The following BNC2 variants were observed in gnomAD, a reference collection of about 807,000 sequenced individuals.
BNC2 encodes zinc finger protein basonuclin-2.
BNC2 carries 20 observed loss-of-function variants against 76.3 expected under a neutral mutation model. The ratio of observed to expected loss-of-function variants is 0.26; its 90% CI spans 0.18 to 0.38. The LOEUF (loss-of-function observed/expected upper bound fraction) is 0.38. Among genes scored for constraint, BNC2 ranks in the 10% least tolerant of loss-of-function variants. BNC2 has a pLI of 1.00. For synonymous variants in BNC2, 582 were observed against 514.8 expected (o/e 1.13, Z -1.77); for missense variants, 1,382 against 1,399.8 (o/e 0.99, Z 0.20).
intron 1 of BNC2, among the ~76,000 whole-genome samples, chr9:16,821,761 C>G (rs1004752068): frequency 6.6e-6 from 1 of 151,972 alleles, no homozygotes; most frequent in Admixed American, 6.6e-5. Context: ...CCAGCTGGGC[C>G]AACATGGTGA....
intron 5 of BNC2, among the ~76,000 whole-genome samples, chr9:16,479,967 A>G (rs1176863161): frequency 6.6e-6 from 1 of 152,218 alleles, no homozygotes; most frequent in Admixed American, 6.5e-5. Flanking sequence ...TGAATCAGCT[A>G]AAGTTATTAT....
intron 1 of BNC2, chr9:16,832,208 A>C (rs780895978): frequency 9.0e-7 from 1 of 1,109,158 alleles, no homozygotes; most frequent in Non-Finnish European, 1.2e-6. Context: ...TAGTCTTCAA[A>C]GGAAAAATAT....
At chr9:16,868,401 C>T (rs1563978558) in intron 1 of BNC2, among the ~76,000 whole-genome samples, 1 of 151,992 alleles carries the variant, frequency 6.6e-6, no homozygotes, top group African/African-American at 2.4e-5. Context: ...AATCACATAT[C>T]TCTATCTGAC....
intron 1 of BNC2, among the ~76,000 whole-genome samples, chr9:16,853,701 T>C (rs1819184689): frequency 1.3e-5 from 2 of 152,034 alleles, no homozygotes; most frequent in African/African-American, 2.4e-5. Flanking sequence ...ACCCTGTCTG[T>C]ACTAAAACTA....
intron 5 of BNC2, among the ~76,000 whole-genome samples, chr9:16,453,828 A>T (rs1244416428): frequency 1.3e-5 from 2 of 152,122 alleles, no homozygotes; most frequent in Admixed American, 1.3e-4. Context: ...AAAACAAACA[A>T]AACCTCAACG....
At chr9:16,772,115 C>A (rs982106755) in intron 1 of BNC2, among the ~76,000 whole-genome samples, 8 of 152,206 alleles carry the variant, frequency 5.3e-5, no homozygotes, top group African/African-American at 1.9e-4. Flanking sequence ...TCCTTTATTT[C>A]TTGAAGAGTC....
At chr9:16,732,162 A>AAAAAAAAAAAAGAAAG (rs59888253) in intron 2 of BNC2, among the ~76,000 whole-genome samples, 2 of 123,588 alleles carry the variant, frequency 1.6e-5, no homozygotes, top group African/African-American at 2.9e-5. Context: ...TCCTGCAAAA[A>AAAAAAAAAAAAGAAAG]AAAAAGAAAA....
intron 5 of BNC2, among the ~76,000 whole-genome samples, chr9:16,490,050 T>C (rs917754729): frequency 6.6e-6 from 1 of 152,196 alleles, no homozygotes; most frequent in African/African-American, 2.4e-5. Context: ...CAAATGCAAA[T>C]GTCTAATTTA....
At chr9:16,508,124 T>TCAACA (rs1231819220) in intron 5 of BNC2, among the ~76,000 whole-genome samples, 2 of 152,166 alleles carry the variant, frequency 1.3e-5, no homozygotes, top group Non-Finnish European at 2.9e-5. Context: ...GCATATAAAG[T>TCAACA]TTAAGTACTG....
At chr9:16,433,620 C>T (rs981709322) in intron 6 of BNC2, among the ~76,000 whole-genome samples, 19 of 152,200 alleles carry the variant, frequency 1.2e-4, no homozygotes. Flanking sequence ...AGTACCTCAA[C>T]AGTGCCTCCC....
intron 1 of BNC2, among the ~76,000 whole-genome samples, chr9:16,841,628 C>A (rs576574422): frequency 1.1e-4 from 16 of 152,162 alleles, no homozygotes; most frequent in Admixed American, 6.5e-4. Flanking sequence ...GTGGTATTCA[C>A]CATGCCTTCT....
intron 1 of BNC2, among the ~76,000 whole-genome samples, chr9:16,808,843 T>C (rs1817976046): frequency 6.6e-6 from 1 of 152,096 alleles, no homozygotes; most frequent in Non-Finnish European, 1.5e-5. Context: ...TGAAAGCAAC[T>C]AGCCCAAGGC....
chr9:16,747,111 T>A (rs1980937), intron 1 of BNC2, among the ~76,000 whole-genome samples: 130,536 of 152,172 alleles, frequency 0.86, 56,441 homozygotes, highest in Non-Finnish European at 0.91. Context: ...AAAGTACAGA[T>A]TATTAAAATT....
intron 1 of BNC2, among the ~76,000 whole-genome samples, chr9:16,849,208 A>G (rs1321046652): frequency 6.6e-6 from 1 of 151,980 alleles, no homozygotes; most frequent in Non-Finnish European, 1.5e-5. Context: ...ATTTCTTTTT[A>G]TTTCCCGAAC....
At chr9:16,447,284 A>T (rs1440111108) in intron 5 of BNC2, among the ~76,000 whole-genome samples, 1 of 152,138 alleles carries the variant, frequency 6.6e-6, no homozygotes, top group African/African-American at 2.4e-5. Flanking sequence ...ATTAGGCTAA[A>T]TATAACATAC....
At chr9:16,708,063 A>T (rs886455528) in intron 3 of BNC2, among the ~76,000 whole-genome samples, 1 of 152,208 alleles carries the variant, frequency 6.6e-6, no homozygotes, top group Non-Finnish European at 1.5e-5. Context: ...GTACCAGTAC[A>T]AATAAGTGGA....
chr9:16,769,603 G>A (rs1410390523), intron 1 of BNC2, among the ~76,000 whole-genome samples: 1 of 152,196 alleles, frequency 6.6e-6, no homozygotes, highest in Non-Finnish European at 1.5e-5. Context: ...ACCTGGGAAT[G>A]AGACCAGGCT....
At chr9:16,835,396 G>C (rs1334653008) in intron 1 of BNC2, among the ~76,000 whole-genome samples, 3 of 152,116 alleles carry the variant, frequency 2.0e-5, no homozygotes, top group African/African-American at 7.2e-5. Context: ...CTGCATTTGT[G>C]GTTATAAAAA....
At chr9:16,527,621 G>A (rs1470858714) in intron 5 of BNC2, among the ~76,000 whole-genome samples, 1 of 152,160 alleles carries the variant, frequency 6.6e-6, no homozygotes, top group Non-Finnish European at 1.5e-5. Flanking sequence ...ACAACTGATA[G>A]GTCAAATCAC....
Sources: gnomAD v4.1 joint callset for allele counts (sites outside exome capture counted in the v4.1 genomes callset) on GRCh38, gnomAD v4.1.1 for gene constraint, MANE v1.5 for transcripts, NCBI Gene and HGNC (gene_info 2026-07-23, HGNC 2026-07-21) for gene names.